Variants in FAM184A observed in about 807,000 individuals in gnomAD.
FAM184A encodes family with sequence similarity 184 member A.
A neutral mutation model predicts 143.8 loss-of-function variants in FAM184A; 99 were observed. The observed-to-expected ratio is 0.69, with a 90% CI of 0.58 to 0.81. The LOEUF (loss-of-function observed/expected upper bound fraction) is 0.81. Ranked by LOEUF, FAM184A falls within the 40% of genes least tolerant of loss-of-function variation. The probability of loss-of-function intolerance (pLI) is 0.00; values close to 1 mark genes in which losing one functional copy is unlikely to be tolerated. For synonymous variants in FAM184A, 427 were observed against 446.4 expected (o/e 0.96, Z 0.55); for missense variants, 1,217 against 1,310.5 (o/e 0.93, Z 1.10).
chr6:118,980,417 G>T, intron 9 of FAM184A, 67 bp from the exon 10 acceptor site: 1 of 1,222,272 alleles, frequency 8.2e-7, no homozygotes, highest in Non-Finnish European at 1.2e-6. Flanking sequence ...ACCCAGCAAA[G>T]GGGGAAAAGC....
intron 1 of FAM184A, among the ~76,000 whole-genome samples, chr6:119,086,280 C>T (rs1788220248): frequency 1.3e-5 from 2 of 152,178 alleles, no homozygotes; most frequent in African/African-American, 4.8e-5. Flanking sequence ...GCAGTGATGA[C>T]TAAAAAGTAG....
chr6:119,113,197 C>T (rs1788975643), intron 1 of FAM184A, among the ~76,000 whole-genome samples: 1 of 149,828 alleles, frequency 6.7e-6, no homozygotes, highest in South Asian at 2.1e-4. Context: ...TTTGACTCAA[C>T]CCTTTAAAAA....
At chr6:119,081,818 G>A (rs1169246072), upstream of FAM184A, among the ~76,000 whole-genome samples, 3 of 152,202 alleles carry the variant, frequency 2.0e-5, no homozygotes, top group African/African-American at 7.2e-5. Context: ...GCCTATCAGT[G>A]CATTGCTCTC....
intron 1 of FAM184A, among the ~76,000 whole-genome samples, chr6:119,029,724 T>C (rs774071806): frequency 1.3e-5 from 2 of 152,204 alleles, no homozygotes; most frequent in African/African-American, 2.4e-5. Context: ...AAAAATATTA[T>C]AGTGAGGAGC....
chr6:119,119,078 C>T (rs1006388104), intron 1 of FAM184A, among the ~76,000 whole-genome samples: 15 of 152,128 alleles, frequency 9.9e-5, no homozygotes, highest in African/African-American at 2.9e-4. Flanking sequence ...TCTCCCATAG[C>T]GCCCCCAGGC....
rs374872089 is a variant in FAM184A, at chr6:118,987,269, G to A, written c.2089-6919C>T. ...ACAATGGCATAGAGTTTCTGCCACA[G>A]AAACTGTCTGGCCCACAAAGCCAAA... On this transcript the variant is annotated intron_variant, in intron 9 of 17. Coordinates refer to ENST00000338891, the MANE Select transcript of FAM184A (RefSeq NM_024581.6). Among the ~76,000 whole-genome samples, 23 of 152,264 alleles carry A rather than the reference G, an allele frequency of 1.5e-4. No individual in the cohort carries two copies. The East Asian group carries it at 2.9e-3, about 19-fold the overall frequency.
At chr6:119,042,807 T>C (rs1786389835) in intron 1 of FAM184A, among the ~76,000 whole-genome samples, 1 of 152,200 alleles carries the variant, frequency 6.6e-6, no homozygotes, top group South Asian at 2.1e-4. Flanking sequence ...ATCACTCTAC[T>C]ACACGATGCT....
rs1030191718 is a variant in FAM184A, at chr6:118,998,239, T to C, written c.2088+4660A>G. Reference sequence around the variant, plus strand: ...TACCAAAGCAGATGATTGATCCTTTTACAGTTTCTCTTGCACTTGCAGTGA... The same window carrying C: ...TACCAAAGCAGATGATTGATCCTTTCACAGTTTCTCTTGCACTTGCAGTGA... On this transcript the variant is annotated intron_variant, in intron 9 of 17. Transcript: ENST00000338891. Among the ~76,000 whole-genome samples the C allele has an allele frequency of 5.3e-5, 8 of 152,244 alleles. No homozygotes were observed. In the East Asian group the frequency reaches 1.3e-3, roughly 26 times the overall value.
chr6:119,142,439 C>A (rs1772277394), intron 1 of FAM184A, among the ~76,000 whole-genome samples: 1 of 152,154 alleles, frequency 6.6e-6, no homozygotes, highest in Non-Finnish European at 1.5e-5. Context: ...CTACTGAAGT[C>A]CACACTTAAC....
intron 17 of FAM184A, chr6:118,960,685 G>T (rs190296769): frequency 1.1e-5 from 6 of 542,566 alleles, no homozygotes; most frequent in South Asian, 1.9e-5. Flanking sequence ...AATTTCCCCC[G>T]TTATTGATGT....
intron 17 of FAM184A, chr6:118,960,821 T>G: frequency 2.2e-6 from 3 of 1,366,030 alleles, no homozygotes; most frequent in Non-Finnish European, 2.9e-6. Flanking sequence ...GAAACTCCAG[T>G]AGTCATGTTC....
chr6:118,996,107 A>G (rs947568928), intron 9 of FAM184A, among the ~76,000 whole-genome samples: 3 of 152,156 alleles, frequency 2.0e-5, no homozygotes, highest in Admixed American at 6.5e-5. Flanking sequence ...CTAATAAGGG[A>G]GTTTTGGGTA....
upstream of FAM184A, chr6:119,078,984 A>G (rs1787984393): frequency 6.6e-6 from 1 of 152,310 alleles, no homozygotes; most frequent in Non-Finnish European, 1.5e-5. This position sits in a 1 kb window ranked among gnomAD's most constrained non-coding sequence, Gnocchi z 5.5. Flanking sequence ...AGTATCCCCA[A>G]GAAGACGGTG....
intron 7 of FAM184A, 118 bp downstream of exon 7, chr6:119,006,329 T>C: frequency 2.0e-6 from 2 of 979,552 alleles, no homozygotes; most frequent in Non-Finnish European, 3.1e-6. Flanking sequence ...GTTATGGTAG[T>C]TCTAAGAACT....
intron 1 of FAM184A, among the ~76,000 whole-genome samples, chr6:119,122,578 A>T (rs1789246945): frequency 6.6e-6 from 1 of 152,170 alleles, no homozygotes; most frequent in Non-Finnish European, 1.5e-5. Context: ...TTATGAAAGG[A>T]GAAACGTGCA....
At chr6:119,088,906 G>A (rs1788296240) in intron 1 of FAM184A, among the ~76,000 whole-genome samples, 1 of 152,148 alleles carries the variant, frequency 6.6e-6, no homozygotes, top group Admixed American at 6.5e-5. Flanking sequence ...ATAATGAAAA[G>A]AGAATCAGAA....
intron 1 of FAM184A, among the ~76,000 whole-genome samples, chr6:119,138,644 G>C (rs1772102969): frequency 6.8e-6 from 1 of 147,966 alleles, no homozygotes; most frequent in Non-Finnish European, 1.5e-5. Context: ...TATTATTTTT[G>C]AGACGGAGTT....
rs116342239 is a variant in FAM184A, at chr6:119,145,864, T to A, written c.-202+3214A>T. ...TCACTGAATCTTCACATCAGCTCCA[T>A]TAAGCAAAAACATGATTTTTACAGG... On this transcript the variant is annotated intron_variant, in intron 1 of 16. Transcript: ENST00000352896. 4.0e-3 allele frequency among the ~76,000 whole-genome samples: 615 copies of A among 152,330 alleles called. 7 individuals carry two copies. The highest frequency in any genetic ancestry group is 0.014 in the African/African-American group (572 of 41,566).
intron 6 of FAM184A, among the ~76,000 whole-genome samples, chr6:119,010,074 G>A (rs923409313): frequency 4.3e-4 from 66 of 152,264 alleles, no homozygotes; most frequent in Non-Finnish European, 2.5e-4. Context: ...TGTGGAAGCA[G>A]CCCCAGAACA....
Sources: allele counts gnomAD v4.1 joint callset (sites outside exome capture counted in the v4.1 genomes callset), GRCh38; gene constraint gnomAD v4.1.1; non-coding constraint Gnocchi (gnomAD v3.1); transcripts MANE v1.5; gene names NCBI Gene and HGNC (gene_info 2026-07-23, HGNC 2026-07-21).